The following SH3PXD2A variants were observed in gnomAD, a reference collection of about 807,000 sequenced individuals.
SH3PXD2A encodes the protein SH3 and PX domain-containing protein 2A.
A neutral mutation model predicts 115.2 loss-of-function variants in SH3PXD2A; 32 were observed. The ratio of observed to expected loss-of-function variants is 0.28; its 90% CI spans 0.21 to 0.37. The LOEUF (loss-of-function observed/expected upper bound fraction) is 0.37, where lower values mean the gene tolerates loss of function less well. Among genes scored for constraint, SH3PXD2A ranks in the 10% least tolerant of loss-of-function variants. The pLI, the probability that SH3PXD2A is intolerant of heterozygous loss-of-function variation, is 1.00. For synonymous variants in SH3PXD2A, 610 were observed against 629.1 expected, an observed-to-expected ratio of 0.97 and a Z score of 0.45; for missense variants, 1,328 against 1,498.7, an observed-to-expected ratio of 0.89 and a Z score of 1.88.
intron 10 of SH3PXD2A, among the ~76,000 whole-genome samples, chr10:103,621,432 T>C (rs4918033): frequency 0.87 from 131,908 of 152,258 alleles, 57,328 homozygotes; most frequent in East Asian, 1. Context: ...CTGTGCCTGA[T>C]GCTGAGCCAG....
chr10:103,835,656 T>C (rs2039530192), intron 1 of SH3PXD2A, among the ~76,000 whole-genome samples: 1 of 152,134 alleles, frequency 6.6e-6, no homozygotes, highest in Non-Finnish European at 1.5e-5. Flanking sequence ...GACGTCCTGG[T>C]CTTTTGGCCG....
chr10:103,759,886 T>C (rs2038681882), intron 3 of SH3PXD2A, among the ~76,000 whole-genome samples: 1 of 152,108 alleles, frequency 6.6e-6, no homozygotes, highest in South Asian at 2.1e-4. Flanking sequence ...TGCCCACCCC[T>C]CCAAAAAGCA....
Position 103,602,849 on chromosome 10 carries a change from C to A in SH3PXD2A, c.2369G>T (p.Gly790Val), listed in dbSNP as rs549957850. The change falls in exon 15 of 15, where the codon GGA becomes GTA. Residue 790 changes from glycine (G) to valine (V), a missense_variant. Physicochemically the swap from Gly to Val is moderately radical, Grantham distance 109 (BLOSUM62 -3). Around this residue, in one of 5 missense-constraint regions of SH3PXD2A, gnomAD observed 574 missense variants for 565.7 expected, o/e 1.01. Transcript: ENST00000369774. Reference protein sequence around the residue: ...RQLRPTGQLRGGLKGSKSEDS... With the variant: ...RQLRPTGQLRVGLKGSKSEDS... ...CTCACTCTTGGAGCCCTTGAGCCCTCCACGGAGCTGGCCTGTGGGTCTCAG... is the reference window on the plus strand; with the variant it reads ...CTCACTCTTGGAGCCCTTGAGCCCTACACGGAGCTGGCCTGTGGGTCTCAG... The A allele has an allele frequency of 1.4e-5, 22 of 1,614,160 alleles. No individual in the cohort carries two copies. The South Asian group carries it at 2.3e-4, about 17-fold the overall frequency.
chr10:103,712,474 C>G (rs1472867557), intron 5 of SH3PXD2A, among the ~76,000 whole-genome samples: 1 of 152,188 alleles, frequency 6.6e-6, no homozygotes, highest in African/African-American at 2.4e-5. Context: ...ATCAGAGGAG[C>G]CTGTACCAGC....
At chr10:103,732,055 C>G (rs1362926476) in intron 4 of SH3PXD2A, among the ~76,000 whole-genome samples, 9 of 152,200 alleles carry the variant, frequency 5.9e-5, no homozygotes, top group Admixed American at 1.3e-4. Context: ...CAAAAAAATT[C>G]TAGTCGTACC....
At position 103,699,339 on chromosome 10, in the gene SH3PXD2A, CT is replaced by C. The variant is rs200700768; in HGVS notation, c.399-6284del. On this transcript the variant is annotated intron_variant, in intron 5 of 14. Coordinates refer to ENST00000369774, the MANE Select transcript of SH3PXD2A (RefSeq NM_001394015.1). ...ACTAGAAATGATCAGCGAGTCACCC[CT>C]GGCAAGGCTGTTTTGTGGCACCTGC... is the stretch of plus-strand genomic sequence containing the variant. 6.9e-3 allele frequency among the ~76,000 whole-genome samples: 1,057 copies of C among 152,316 alleles called. 5 individuals are homozygous for C. The highest frequency in any genetic ancestry group is 8.6e-3 in the Non-Finnish European group (583 of 68,038).
intron 1 of SH3PXD2A, among the ~76,000 whole-genome samples, chr10:103,802,953 A>T (rs1192229938): frequency 1.3e-5 from 2 of 152,208 alleles, no homozygotes; most frequent in Non-Finnish European, 1.5e-5. Flanking sequence ...CAAGATGAGG[A>T]GGAACGTTAG....
chr10:103,704,258 G>A (rs1433366820), intron 5 of SH3PXD2A, among the ~76,000 whole-genome samples: 1 of 152,178 alleles, frequency 6.6e-6, no homozygotes, highest in Non-Finnish European at 1.5e-5. Context: ...AGGAAGGTGG[G>A]GGCGGTGGCC....
intron 3 of SH3PXD2A, among the ~76,000 whole-genome samples, chr10:103,753,317 C>CAAAAAAAA (rs60364879): frequency 1.8e-4 from 11 of 62,854 alleles, no homozygotes; most frequent in African/African-American, 6.3e-4. Context: ...CTGCCTCTAC[C>CAAAAAAAA]AAAAAAAAAA....
chr10:103,655,315 T>C (rs1267317968), intron 8 of SH3PXD2A, among the ~76,000 whole-genome samples: 1 of 152,234 alleles, frequency 6.6e-6, no homozygotes, highest in Non-Finnish European at 1.5e-5. Flanking sequence ...CAATGCAGAC[T>C]ACAATAAACC....
intron 2 of SH3PXD2A, among the ~76,000 whole-genome samples, chr10:103,788,641 C>T (rs112789743): frequency 0.056 from 8,508 of 152,084 alleles, 297 homozygotes; most frequent in South Asian, 0.097. Context: ...CCGAGACGGG[C>T]GGATCACTTG....
chr10:103,832,319 G>A (rs1370841325), intron 1 of SH3PXD2A, among the ~76,000 whole-genome samples: 2 of 149,150 alleles, frequency 1.3e-5, no homozygotes, highest in African/African-American at 2.5e-5. Flanking sequence ...TTGGGAGATA[G>A]TCTCTACACC....
chr10:103,837,017 C>G (rs1463714569), intron 1 of SH3PXD2A, among the ~76,000 whole-genome samples: 1 of 152,168 alleles, frequency 6.6e-6, no homozygotes, highest in Non-Finnish European at 1.5e-5. Context: ...ATCCCTAAGT[C>G]TCTCGTTTGT....
At chr10:103,639,657 A>T (rs2036924183) in intron 8 of SH3PXD2A, among the ~76,000 whole-genome samples, 2 of 151,380 alleles carry the variant, frequency 1.3e-5, no homozygotes, top group African/African-American at 4.9e-5. Context: ...AAAAAAAGAA[A>T]ATGAGGCACT....
intron 10 of SH3PXD2A, among the ~76,000 whole-genome samples, chr10:103,619,845 C>T (rs554632391): frequency 3.8e-4 from 58 of 152,326 alleles, no homozygotes; most frequent in African/African-American, 1.2e-3. Context: ...ATGGGAGGCT[C>T]GTCCTGCCCC....
At position 103,700,653 on chromosome 10, in the gene SH3PXD2A, T is replaced by C. The variant is rs780639992; in HGVS notation, c.399-7597A>G. 6.4e-4 allele frequency among the ~76,000 whole-genome samples: 97 copies of C among 152,142 alleles called. 3 individuals are homozygous for C. The highest frequency in any genetic ancestry group is 8.8e-5 in the Non-Finnish European group (6 of 67,996). ...TGGGGAGGATGGCAGGAATACACAG[T>C]TGATTTCTTAGAGGGCAAAATGGGG... On this transcript the variant is annotated intron_variant, in intron 5 of 14. Coordinates refer to ENST00000369774, the MANE Select transcript of SH3PXD2A (RefSeq NM_001394015.1).
intron 6 of SH3PXD2A, among the ~76,000 whole-genome samples, chr10:103,689,798 T>C (rs1038252076): frequency 6.6e-6 from 1 of 152,078 alleles, no homozygotes; most frequent in African/African-American, 2.4e-5. Flanking sequence ...TGCAGATAAA[T>C]TTGAGGCCAA....
chr10:103,755,062 A>G (rs909277777), intron 3 of SH3PXD2A: 7 of 152,146 alleles, frequency 4.6e-5, no homozygotes, highest in Non-Finnish European at 1.0e-4. Flanking sequence ...TGCATTTCCA[A>G]CAAGCTCCCA....
At chr10:103,676,806 G>A (rs2037539893) in intron 6 of SH3PXD2A, among the ~76,000 whole-genome samples, 1 of 152,084 alleles carries the variant, frequency 6.6e-6, no homozygotes, top group Non-Finnish European at 1.5e-5. Context: ...GCAGAGAAGA[G>A]ACAAACTCAA....
Sources: gnomAD v4.1 joint callset for allele counts (sites outside exome capture counted in the v4.1 genomes callset) on GRCh38, gnomAD v4.1.1 for gene constraint, gnomAD v4.1.1 regional missense constraint, MANE v1.5 for transcripts, NCBI Gene and HGNC (gene_info 2026-07-23, HGNC 2026-07-21) for gene names.